CACNA1B: variants seen among roughly 807,000 people sequenced by gnomAD.
The protein encoded by CACNA1B is voltage-dependent N-type calcium channel subunit alpha-1B.
Under a neutral mutation model 247.2 loss-of-function variants are expected in CACNA1B, and 70 were observed. The observed-to-expected ratio is 0.28, with a 90% CI of 0.23 to 0.35. The LOEUF is 0.35. CACNA1B is among the 10% of genes least tolerant of loss of function. The pLI, the probability that CACNA1B is intolerant of heterozygous loss-of-function variation, is 1.00. For missense variants in CACNA1B, 2,367 were observed against 3,197.4 expected (o/e 0.74, Z 6.26); for synonymous variants, 1,231 against 1,294.4 (o/e 0.95, Z 1.05).
intron 35 of CACNA1B, among the ~76,000 whole-genome samples, chr9:138,076,661 G>C (rs1960330741): frequency 1.3e-5 from 2 of 152,232 alleles, no homozygotes; most frequent in South Asian, 4.1e-4. Context: ...GTGAACTTGG[G>C]AGCAGAAGGG....
At chr9:138,077,171 C>T (rs139995564) in intron 35 of CACNA1B, among the ~76,000 whole-genome samples, 1 of 152,332 alleles carries the variant, frequency 6.6e-6, no homozygotes, top group East Asian at 1.9e-4. Context: ...CAGGAACCCC[C>T]CTGCCTCCGG....
At chr9:137,956,852 T>C in intron 9 of CACNA1B, 25 bp downstream of exon 9, 1 of 1,598,492 alleles carries the variant, frequency 6.3e-7, no homozygotes, top group Non-Finnish European at 8.6e-7. Flanking sequence ...CTGGTACTCC[T>C]GTGTGGTGGA....
chr9:138,049,184 T>C (rs2133484014), intron 23 of CACNA1B, 25 bp from the exon 24 acceptor site: 1 of 1,435,536 alleles, frequency 7.0e-7, no homozygotes, highest in Non-Finnish European at 9.8e-7. Context: ...CTATGACGTA[T>C]CTAACGTGTG....
Position 138,058,608 on chromosome 9 carries a change from A to G in CACNA1B, c.4348A>G (p.Thr1450Ala). The G allele has an allele frequency of 4.3e-6, 7 of 1,613,884 alleles. No homozygotes were observed. The highest frequency in any genetic ancestry group is 5.9e-6 in the Non-Finnish European group (7 of 1,179,850). Reference protein sequence around the residue: ...IDFAISAKPLTRYMPQNRQSF... With the variant: ...IDFAISAKPLARYMPQNRQSF... ...CTTCGCCATCAGCGCCAAACCCCTG[A>G]CACGGTACATGCCCCAAAACCGGCA... Residue 1450 changes from threonine (T) to alanine (A), a missense_variant, in exon 29 of 47, where the codon ACA (threonine) becomes GCA (alanine). Coordinates refer to ENST00000371372, the MANE Select transcript of CACNA1B (RefSeq NM_000718.4). This position sits in a 1 kb window ranked among gnomAD's most constrained non-coding sequence, Gnocchi z 4.7.
intron 20 of CACNA1B, among the ~76,000 whole-genome samples, chr9:138,042,331 T>C (rs1183854528): frequency 6.6e-6 from 1 of 152,156 alleles, no homozygotes; most frequent in Non-Finnish European, 1.5e-5. Context: ...GCGCCTGTAA[T>C]CCCAGCTACT....
chr9:138,107,877 C>T (rs1348309372), intron 39 of CACNA1B, among the ~76,000 whole-genome samples: 2 of 151,512 alleles, frequency 1.3e-5, no homozygotes, highest in African/African-American at 4.9e-5. Flanking sequence ...CCCAGCTACT[C>T]GGGAGGCTGA....
chr9:137,937,356 GT>G, intron 6 of CACNA1B, among the ~76,000 whole-genome samples: 1 of 152,042 alleles, frequency 6.6e-6, no homozygotes, highest in Non-Finnish European at 1.5e-5. Context: ...CGAAGACAAG[GT>G]TTTTGAATTA....
At chr9:138,066,976 G>A (rs945988984) in intron 31 of CACNA1B, among the ~76,000 whole-genome samples, 4 of 152,100 alleles carry the variant, frequency 2.6e-5, no homozygotes, top group Non-Finnish European at 5.9e-5. Context: ...ACACACTTCT[G>A]GCAAGATTAA....
chr9:138,105,410 G>T (rs1961386567), intron 38 of CACNA1B, among the ~76,000 whole-genome samples: 1 of 152,220 alleles, frequency 6.6e-6, no homozygotes, highest in Non-Finnish European at 1.5e-5. Flanking sequence ...GTCCCTCAGG[G>T]TGAGGAGGTG....
Position 138,057,929 on chromosome 9 carries a change from T to C in CACNA1B, c.4106+60T>C. ...GGCAGCCCCTGAGCTCGGCCTCCCT[T>C]CCTCCCTCTATCCCTGGGCTCAGGC... On this transcript the variant is annotated intron_variant, in intron 27 of 46. Transcript: ENST00000371372. This position sits in a 1 kb window ranked among gnomAD's most constrained non-coding sequence, Gnocchi z 4.0. 1 of 1,580,432 alleles carries C rather than the reference T, an allele frequency of 6.3e-7. No individual in the cohort carries two copies. The highest frequency in any genetic ancestry group is 1.7e-5 in the Admixed American group (1 of 57,950).
At chr9:137,894,228 T>C (rs772331423) in intron 3 of CACNA1B, among the ~76,000 whole-genome samples, 8 of 151,830 alleles carry the variant, frequency 5.3e-5, no homozygotes, top group Non-Finnish European at 7.4e-5. Context: ...AGAGTGGATG[T>C]CCCGTTTCAC....
At chr9:137,965,921 G>T (rs574199245) in intron 10 of CACNA1B, among the ~76,000 whole-genome samples, 38 of 152,296 alleles carry the variant, frequency 2.5e-4, no homozygotes, top group African/African-American at 8.7e-4. Context: ...TATTTCTAGT[G>T]ACTTTTGTTT....
At chr9:137,992,171 A>G (rs1589053017) in intron 15 of CACNA1B, among the ~76,000 whole-genome samples, 1 of 152,342 alleles carries the variant, frequency 6.6e-6, no homozygotes, top group East Asian at 1.9e-4. Flanking sequence ...GAATTCACCA[A>G]CCATGTTTCT....
intron 6 of CACNA1B, among the ~76,000 whole-genome samples, chr9:137,938,340 C>T (rs1957693740): frequency 6.6e-6 from 1 of 152,002 alleles, no homozygotes; most frequent in South Asian, 2.1e-4. Flanking sequence ...ATTTATATAA[C>T]AATAACAATT....
At chr9:137,925,788 G>A (rs1262648273) in intron 6 of CACNA1B, among the ~76,000 whole-genome samples, 1 of 151,456 alleles carries the variant, frequency 6.6e-6, no homozygotes, top group East Asian at 1.9e-4. Context: ...TGTCGCCCAG[G>A]CTGGAGTGCA....
Position 138,078,259 on chromosome 9 carries a change from G to A in CACNA1B, c.5094+1G>A. 6.2e-7 allele frequency: 1 copy of A among 1,613,846 alleles called. No homozygotes were observed. Among genetic ancestry groups the A allele is most frequent in the East Asian group, 2.2e-5 (1 of 44,876 alleles). On this transcript the variant is annotated splice_donor_variant, in intron 36 of 46. Coordinates refer to ENST00000371372, the MANE Select transcript of CACNA1B (RefSeq NM_000718.4). LOFTEE classifies it high-confidence loss of function. The stretch of plus-strand genomic sequence containing the variant: ...CTTCATCTTCCTGTGCTCCTTTCTG[G>A]TGAGTCCTGGGCACTGTGCCCCTCC...
At chr9:137,908,761 G>A (rs1957325796) in intron 3 of CACNA1B, among the ~76,000 whole-genome samples, 1 of 151,080 alleles carries the variant, frequency 6.6e-6, no homozygotes, top group African/African-American at 2.4e-5. Context: ...CTTCCGAGTA[G>A]CTGGGACTAC....
intron 3 of CACNA1B, among the ~76,000 whole-genome samples, chr9:137,911,530 C>T (rs535528449): frequency 1.3e-5 from 2 of 152,366 alleles, no homozygotes; most frequent in South Asian, 2.1e-4. Context: ...GTTCTCCTGC[C>T]TCAGCCTCCC....
intron 37 of CACNA1B, among the ~76,000 whole-genome samples, chr9:138,098,024 G>A (rs910309392): frequency 1.3e-5 from 2 of 152,204 alleles, no homozygotes; most frequent in African/African-American, 2.4e-5. Context: ...CCCTGGGATG[G>A]GGCCTCTCCT....
Sources: gnomAD v4.1 joint callset for allele counts (sites outside exome capture counted in the v4.1 genomes callset) on GRCh38, gnomAD v4.1.1 for gene constraint, Gnocchi (gnomAD v3.1) non-coding constraint, MANE v1.5 for transcripts, NCBI Gene and HGNC (gene_info 2026-07-23, HGNC 2026-07-21) for gene names.